The following LHFPL6 variants were observed in gnomAD, a reference collection of about 807,000 sequenced individuals.
LHFPL6 encodes the protein LHFPL tetraspan subfamily member 6.
LHFPL6 carries 9 observed loss-of-function variants against 20.6 expected under a neutral mutation model. That is an observed-to-expected ratio of 0.44 (90% confidence interval 0.26 to 0.76). The LOEUF is 0.76. LHFPL6 is among the 30% of genes least tolerant of loss of function. The probability of loss-of-function intolerance (pLI) is 0.20; values close to 1 mark genes in which losing one functional copy is unlikely to be tolerated. For missense variants in LHFPL6, 218 were observed against 253.5 expected, an observed-to-expected ratio of 0.86 and a Z score of 0.95; for synonymous variants, 105 against 98.7, an observed-to-expected ratio of 1.06 and a Z score of -0.38.
intron 2 of LHFPL6, among the ~76,000 whole-genome samples, chr13:39,438,276 A>C (rs1872020059): frequency 6.6e-6 from 1 of 152,230 alleles, no homozygotes; most frequent in South Asian, 2.1e-4. Context: ...ATTTAGACTG[A>C]TGATTCCACT....
chr13:39,398,757 C>T (rs965304149), intron 2 of LHFPL6, among the ~76,000 whole-genome samples: 6 of 152,194 alleles, frequency 3.9e-5, no homozygotes, highest in East Asian at 1.9e-4. Context: ...GCCTGAGCTC[C>T]GCATCCTGTC....
At chr13:39,469,347 C>T (rs979427231) in intron 2 of LHFPL6, among the ~76,000 whole-genome samples, 1 of 152,200 alleles carries the variant, frequency 6.6e-6, no homozygotes, top group African/African-American at 2.4e-5. Context: ...GCAAACTGCC[C>T]ACCACCACGC....
rs1443917974 is a variant in LHFPL6, at chr13:39,471,137, T to C, written c.386-92611A>G. ...GTAGAAATAGAAGCTGGATGCTAGC[T>C]ACTGCAGCATCCCAGCAGACTGAGG... On this transcript the variant is annotated intron_variant, in intron 2 of 3. Transcript: ENST00000379589. 2.0e-5 allele frequency among the ~76,000 whole-genome samples: 3 copies of C among 152,192 alleles called. No homozygotes were observed. In the South Asian group the frequency reaches 6.2e-4, roughly 31 times the overall value.
At chr13:39,561,981 A>G (rs1871497831) in intron 2 of LHFPL6, among the ~76,000 whole-genome samples, 1 of 152,212 alleles carries the variant, frequency 6.6e-6, no homozygotes, top group Non-Finnish European at 1.5e-5. Flanking sequence ...AATTAGCAGG[A>G]TGAGGGCCAA....
At chr13:39,456,884 T>C (rs4943667) in intron 2 of LHFPL6, among the ~76,000 whole-genome samples, 152,096 of 152,118 alleles carry the variant, frequency 1, 76,037 homozygotes, top group Non-Finnish European at 1. Context: ...GCAAACTCCA[T>C]CTCCCGGGTT....
intron 2 of LHFPL6, among the ~76,000 whole-genome samples, chr13:39,547,490 G>A (rs746199443): frequency 6.6e-6 from 1 of 152,134 alleles, no homozygotes; most frequent in Non-Finnish European, 1.5e-5. Context: ...TTTCTGTGTA[G>A]TGAGTCTTTC....
intron 2 of LHFPL6, among the ~76,000 whole-genome samples, chr13:39,569,152 C>CGGATGGATGGAT (rs1185146657): frequency 1.2e-4 from 4 of 33,210 alleles, no homozygotes; most frequent in African/African-American, 3.0e-4. Flanking sequence ...GATGGATGGA[C>CGGATGGATGGAT]GGACGGATGG....
chr13:39,562,631 TATATATACACATATATACACAC>T (rs1227897308), intron 2 of LHFPL6, among the ~76,000 whole-genome samples: 5 of 31,194 alleles, frequency 1.6e-4, no homozygotes, highest in Non-Finnish European at 3.7e-4. Context: ...TATACACACA[TATATATACACATATATACACAC>T]ATATACACAT....
intron 2 of LHFPL6, among the ~76,000 whole-genome samples, chr13:39,388,384 T>C (rs185172711): frequency 6.6e-6 from 1 of 152,306 alleles, no homozygotes; most frequent in African/African-American, 2.4e-5. Flanking sequence ...TCACTTTTTA[T>C]CTTCCTGGGG....
At chr13:39,346,173 G>A (rs1593279253) in intron 3 of LHFPL6, among the ~76,000 whole-genome samples, 1 of 152,270 alleles carries the variant, frequency 6.6e-6, no homozygotes, top group Non-Finnish European at 1.5e-5. Flanking sequence ...AGATAAAAAG[G>A]CAACGCAAGA....
chr13:39,450,855 A>G (rs1593317488), intron 2 of LHFPL6, among the ~76,000 whole-genome samples: 1 of 152,218 alleles, frequency 6.6e-6, no homozygotes, highest in South Asian at 2.1e-4. Flanking sequence ...AAATTAGACT[A>G]TAAACATACA....
chr13:39,460,702 T>C (rs1029698854), intron 2 of LHFPL6, among the ~76,000 whole-genome samples: 6 of 152,268 alleles, frequency 3.9e-5, no homozygotes, highest in Non-Finnish European at 7.3e-5. Flanking sequence ...AGGAGTTAAC[T>C]AGCTCCCTTG....
chr13:39,433,792 G>C (rs997044158), intron 2 of LHFPL6, among the ~76,000 whole-genome samples: 1 of 152,160 alleles, frequency 6.6e-6, no homozygotes, highest in Non-Finnish European at 1.5e-5. Context: ...AAAAGTATAA[G>C]AATTCCTATC....
At chr13:39,587,685 A>G (rs1350215795) in intron 2 of LHFPL6, among the ~76,000 whole-genome samples, 1 of 152,114 alleles carries the variant, frequency 6.6e-6, no homozygotes, top group Non-Finnish European at 1.5e-5. Context: ...AATTGGTTCT[A>G]CAGATGACGA....
intron 2 of LHFPL6, among the ~76,000 whole-genome samples, chr13:39,579,574 ATTT>A (rs908028398): frequency 1.8e-4 from 28 of 152,146 alleles, no homozygotes; most frequent in African/African-American, 6.5e-4. Flanking sequence ...AATTTCAAAA[ATTT>A]TTTTATCTTT....
At chr13:39,595,113 A>G (rs1566150516) in intron 2 of LHFPL6, among the ~76,000 whole-genome samples, 2 of 152,160 alleles carry the variant, frequency 1.3e-5, no homozygotes, top group African/African-American at 2.4e-5. Context: ...AACTTAAAGT[A>G]TAATAAAATA....
intron 3 of LHFPL6, among the ~76,000 whole-genome samples, chr13:39,377,698 A>G (rs150370247): frequency 6.6e-6 from 1 of 152,358 alleles, no homozygotes; most frequent in African/African-American, 2.4e-5. Context: ...ATAAGTAAGT[A>G]GACTACACTA....
chr13:39,567,056 T>C (rs1161636861), intron 2 of LHFPL6, among the ~76,000 whole-genome samples: 2 of 152,062 alleles, frequency 1.3e-5, no homozygotes, highest in Admixed American at 1.3e-4. Flanking sequence ...ATTTTTGTTT[T>C]TGTTTTTTGC....
chr13:39,472,804 T>C (rs1430922639), intron 2 of LHFPL6, among the ~76,000 whole-genome samples: 3 of 151,986 alleles, frequency 2.0e-5, no homozygotes, highest in Non-Finnish European at 2.9e-5. Flanking sequence ...AGATATGGGG[T>C]TTCACCAGGT....
Sources: gnomAD v4.1 joint callset for allele counts (sites outside exome capture counted in the v4.1 genomes callset) on GRCh38, gnomAD v4.1.1 for gene constraint, MANE v1.5 for transcripts, NCBI Gene and HGNC (gene_info 2026-07-23, HGNC 2026-07-21) for gene names.